The following DLGAP2 variants were observed in gnomAD, a reference collection of about 807,000 sequenced individuals.
DLGAP2 encodes DLG associated protein 2.
In DLGAP2, 26 loss-of-function variants were observed where a neutral mutation model predicts 100.3. That is an observed-to-expected ratio of 0.26 (90% CI 0.19 to 0.36). The LOEUF (loss-of-function observed/expected upper bound fraction) is 0.36, where lower values mean the gene tolerates loss of function less well. Among genes scored for constraint, DLGAP2 ranks in the 10% least tolerant of loss-of-function variants. The pLI is 1.00. For missense variants in DLGAP2, 1,858 were observed against 1,453.2 expected (o/e 1.28, Z -4.53); for synonymous variants, 886 against 630.1 (o/e 1.41, Z -6.08).
chr8:1,527,921 CAA>C (rs373923344), intron 4 of DLGAP2, among the ~76,000 whole-genome samples: 1 of 140,452 alleles, frequency 7.1e-6, no homozygotes, highest in Non-Finnish European at 1.6e-5. Flanking sequence ...TAAGTATCTG[CAA>C]AAAAAAAAAA....
At chr8:1,341,446 C>A (rs921533659) in intron 3 of DLGAP2, among the ~76,000 whole-genome samples, 1 of 152,304 alleles carries the variant, frequency 6.6e-6, no homozygotes, top group Non-Finnish European at 1.5e-5. Flanking sequence ...TCATAAATCA[C>A]TCCTCTCTGA....
intron 3 of DLGAP2, chr8:1,373,567 G>C (rs1405905112): frequency 6.6e-6 from 1 of 152,244 alleles, no homozygotes; most frequent in Non-Finnish European, 1.5e-5. Flanking sequence ...TCAACGTTCA[G>C]TGAGATCATT....
chr8:912,353 A>C (rs1798502524), intron 2 of DLGAP2, among the ~76,000 whole-genome samples: 1 of 152,198 alleles, frequency 6.6e-6, no homozygotes, highest in African/African-American at 2.4e-5. Context: ...GTGTTTGTGG[A>C]ACTGACGGTT....
chr8:937,984 C>A (rs528981023), intron 2 of DLGAP2, among the ~76,000 whole-genome samples: 3 of 152,128 alleles, frequency 2.0e-5, no homozygotes, highest in South Asian at 2.1e-4. Flanking sequence ...TTCAGCAGTT[C>A]TTACTCTCAT....
intron 4 of DLGAP2, among the ~76,000 whole-genome samples, chr8:1,538,707 C>T (rs1438824137): frequency 1.3e-5 from 2 of 152,032 alleles, no homozygotes; most frequent in African/African-American, 4.8e-5. Context: ...ATTGTCATTC[C>T]AACCTCTCTT....
chr8:1,503,374 CAGGATT>C (rs1476682737), intron 4 of DLGAP2, among the ~76,000 whole-genome samples: 6 of 151,538 alleles, frequency 4.0e-5, no homozygotes, highest in African/African-American at 1.2e-4. Flanking sequence ...TGGAACCACA[CAGGATT>C]TGTTGTTTTG....
intron 2 of DLGAP2, among the ~76,000 whole-genome samples, chr8:1,196,434 A>G (rs943730792): frequency 3.3e-5 from 5 of 152,176 alleles, no homozygotes; most frequent in African/African-American, 1.2e-4. Context: ...ATGCTGAGTG[A>G]GTGAACGAGA....
At chr8:1,191,436 C>CT (rs1348293934) in intron 2 of DLGAP2, among the ~76,000 whole-genome samples, 1 of 152,146 alleles carries the variant, frequency 6.6e-6, no homozygotes, top group Non-Finnish European at 1.5e-5. Context: ...TCCCAAAGTG[C>CT]GGGGATTATA....
intron 6 of DLGAP2, among the ~76,000 whole-genome samples, chr8:1,622,661 T>C (rs1797375802): frequency 1.3e-5 from 2 of 152,162 alleles, no homozygotes; most frequent in African/African-American, 4.8e-5. Flanking sequence ...GGGAGCAACA[T>C]CTGAAAGGCA....
intron 10 of DLGAP2, among the ~76,000 whole-genome samples, chr8:1,673,014 T>A (rs1010778771): frequency 1.3e-5 from 2 of 152,252 alleles, no homozygotes; most frequent in African/African-American, 4.8e-5. Flanking sequence ...CAGAGGAGGC[T>A]GGTTGGCTTT....
At chr8:919,032 C>T (rs752684106) in intron 2 of DLGAP2, among the ~76,000 whole-genome samples, 7 of 152,158 alleles carry the variant, frequency 4.6e-5, no homozygotes, top group Non-Finnish European at 7.3e-5. Flanking sequence ...CCTCAAGTTC[C>T]TGGGCTCAAG....
At chr8:1,159,145 G>A (rs899860077) in intron 2 of DLGAP2, among the ~76,000 whole-genome samples, 3 of 152,182 alleles carry the variant, frequency 2.0e-5, no homozygotes, top group Non-Finnish European at 4.4e-5. Flanking sequence ...GTGATCCTTG[G>A]AAAGATGTCT....
intron 1 of DLGAP2, among the ~76,000 whole-genome samples, chr8:898,452 C>G (rs1228749533): frequency 6.6e-6 from 1 of 152,222 alleles, no homozygotes; most frequent in Non-Finnish European, 1.5e-5. Flanking sequence ...CTTACTGAGA[C>G]GCTTCATCCG....
chr8:1,611,069 G>C (rs1277342441), intron 6 of DLGAP2, among the ~76,000 whole-genome samples: 1 of 138,136 alleles, frequency 7.2e-6, no homozygotes, highest in Non-Finnish European at 1.5e-5. Flanking sequence ...TACCAAAGCC[G>C]GGCAGAGACA....
At chr8:1,298,327 C>T (rs1006227620) in intron 3 of DLGAP2, among the ~76,000 whole-genome samples, 40 of 152,206 alleles carry the variant, frequency 2.6e-4, no homozygotes, top group Admixed American at 2.4e-3. Context: ...CCTGGTCTGT[C>T]GTCCTGCAGC....
chr8:999,953 C>G (rs1442310863), intron 2 of DLGAP2, among the ~76,000 whole-genome samples: 2 of 149,980 alleles, frequency 1.3e-5, no homozygotes, highest in Admixed American at 6.6e-5. Flanking sequence ...TGGATTTTCT[C>G]TAGAGCAGAC....
intron 2 of DLGAP2, among the ~76,000 whole-genome samples, chr8:1,118,722 A>T (rs983315097): frequency 6.6e-6 from 1 of 152,206 alleles, no homozygotes; most frequent in Non-Finnish European, 1.5e-5. Flanking sequence ...GAACTTGGAG[A>T]TAAATATACA....
chr8:1,319,891 G>C (rs555865730), intron 3 of DLGAP2, among the ~76,000 whole-genome samples: 1 of 152,330 alleles, frequency 6.6e-6, no homozygotes, highest in South Asian at 2.1e-4. Flanking sequence ...CAAAGGCAGA[G>C]GGAAGAGACG....
intron 3 of DLGAP2, among the ~76,000 whole-genome samples, chr8:1,411,056 A>T (rs1191860698): frequency 6.6e-6 from 1 of 152,186 alleles, no homozygotes; most frequent in African/African-American, 2.4e-5. Flanking sequence ...AGGTGACTAA[A>T]GTGTCACCGT....
Sources: allele counts gnomAD v4.1 joint callset (sites outside exome capture counted in the v4.1 genomes callset), GRCh38; gene constraint gnomAD v4.1.1; transcripts MANE v1.5; gene names NCBI Gene and HGNC (gene_info 2026-07-23, HGNC 2026-07-21).